KCNC2: variants seen among roughly 807,000 people sequenced by gnomAD.
KCNC2 encodes the protein voltage-gated potassium channel KCNC2.
KCNC2 carries 21 observed loss-of-function variants against 44.5 expected under a neutral mutation model. The ratio of observed to expected loss-of-function variants is 0.47; its 90% CI spans 0.33 to 0.68. The LOEUF is 0.68. Ranked by LOEUF, KCNC2 falls within the 30% of genes least tolerant of loss-of-function variation. The probability of loss-of-function intolerance (pLI) is 0.01; values close to 1 mark genes in which losing one functional copy is unlikely to be tolerated. For missense variants in KCNC2, 589 were observed against 826.2 expected (o/e 0.71, Z 3.52); for synonymous variants, 391 against 339.1 (o/e 1.15, Z -1.68).
chr12:75,190,922 A>C (rs193203955), intron 2 of KCNC2, among the ~76,000 whole-genome samples: 2 of 152,156 alleles, frequency 1.3e-5, no homozygotes, highest in African/African-American at 2.4e-5. Flanking sequence ...CTGAATTATC[A>C]TTTATATATG....
intron 2 of KCNC2, among the ~76,000 whole-genome samples, chr12:75,133,506 G>A (rs1216752917): frequency 3.3e-5 from 5 of 151,066 alleles, no homozygotes; most frequent in African/African-American, 1.2e-4. Flanking sequence ...GTTTTTTATA[G>A]ATGGGTTAAG....
chr12:75,177,619 T>C (rs1403346676), intron 2 of KCNC2, among the ~76,000 whole-genome samples: 2 of 152,168 alleles, frequency 1.3e-5, no homozygotes, highest in East Asian at 1.9e-4. Context: ...ATTTCATCCT[T>C]AGTCAAACAA....
chr12:75,151,239 T>G (rs772744410), intron 2 of KCNC2, among the ~76,000 whole-genome samples: 19 of 151,924 alleles, frequency 1.3e-4, no homozygotes, highest in Admixed American at 2.0e-4. Flanking sequence ...ACAAACATAC[T>G]GTCTAGATTC....
At chr12:75,064,140 C>T (rs1050215240) in intron 2 of KCNC2, among the ~76,000 whole-genome samples, 1 of 151,916 alleles carries the variant, frequency 6.6e-6, no homozygotes, top group African/African-American at 2.4e-5. Context: ...TAGATGAGTA[C>T]TGAAAAGCAA....
intron 2 of KCNC2, among the ~76,000 whole-genome samples, chr12:75,152,890 TA>T (rs1890502698): frequency 6.6e-6 from 1 of 151,926 alleles, no homozygotes; most frequent in African/African-American, 2.4e-5. Flanking sequence ...AAAACAGTTG[TA>T]GTACACACAA....
chr12:75,176,543 A>G (rs1182807298), intron 2 of KCNC2, among the ~76,000 whole-genome samples: 1 of 151,938 alleles, frequency 6.6e-6, no homozygotes, highest in East Asian at 1.9e-4. Context: ...ATGGCCTCAC[A>G]GTTCCTCAAA....
chr12:75,193,589 G>A (rs978241633), intron 2 of KCNC2, among the ~76,000 whole-genome samples: 4 of 152,138 alleles, frequency 2.6e-5, no homozygotes, highest in African/African-American at 9.7e-5. Flanking sequence ...GTATGTTGGT[G>A]TGATAAAGAA....
At chr12:75,178,799 T>C (rs1300470496) in intron 2 of KCNC2, among the ~76,000 whole-genome samples, 2 of 152,096 alleles carry the variant, frequency 1.3e-5, no homozygotes, top group African/African-American at 2.4e-5. Context: ...CTTGCCAGCG[T>C]GGAGCAAGTA....
At chr12:75,156,249 A>ATT (rs11411772) in intron 2 of KCNC2, among the ~76,000 whole-genome samples, 177 of 149,498 alleles carry the variant, frequency 1.2e-3, no homozygotes, top group Middle Eastern at 3.4e-3. Flanking sequence ...CTCTCGAAAC[A>ATT]TTTTTTTTTT....
At position 75,042,218 on chromosome 12, in the gene KCNC2, T is replaced by TA. The variant is rs201871666; in HGVS notation, c.*886dup. On this transcript the variant is annotated 3_prime_UTR_variant, in exon 5 of 5. Transcript: ENST00000549446. ...ACAAACCCTGGGTATTTTTTTTTTT[T>TA]AAAGAGTCTAGAACCAAGCAGCAAT... The TA allele has an allele frequency of 7.5e-7, 1 of 1,335,896 alleles. No homozygotes were observed. The highest frequency in any genetic ancestry group is 1.5e-5 in the African/African-American group (1 of 65,612). The allele number at this position is 1,335,896 out of a possible 1,614,324, so 82.8% of individuals were successfully genotyped here.
chr12:75,155,129 A>C (rs1364378986), intron 2 of KCNC2, among the ~76,000 whole-genome samples: 2 of 151,912 alleles, frequency 1.3e-5, no homozygotes, highest in Non-Finnish European at 2.9e-5. Context: ...CCCAAGAAAA[A>C]AAAACGCCCC....
intron 2 of KCNC2, among the ~76,000 whole-genome samples, chr12:75,150,708 T>A (rs1890329426): frequency 6.6e-6 from 1 of 151,948 alleles, no homozygotes; most frequent in South Asian, 2.1e-4. Context: ...ATTACATGAT[T>A]CTAATCAAGA....
chr12:75,184,058 G>T (rs1892774261), intron 2 of KCNC2, among the ~76,000 whole-genome samples: 1 of 152,054 alleles, frequency 6.6e-6, no homozygotes, highest in African/African-American at 2.4e-5. Flanking sequence ...GTTTCTTCAA[G>T]AATCTCTATA....
intron 2 of KCNC2, among the ~76,000 whole-genome samples, chr12:75,134,661 C>G (rs1007519065): frequency 6.6e-6 from 1 of 151,690 alleles, no homozygotes; most frequent in African/African-American, 2.4e-5. Flanking sequence ...TTCTGCAAGC[C>G]TCTAAGATAA....
intron 2 of KCNC2, among the ~76,000 whole-genome samples, chr12:75,176,771 TA>T (rs2137615021): frequency 1.3e-5 from 2 of 152,086 alleles, no homozygotes; most frequent in South Asian, 4.1e-4. Flanking sequence ...GCATTATTAT[TA>T]AAGGCCATTA....
chr12:75,163,111 A>T (rs1891224943), intron 2 of KCNC2, among the ~76,000 whole-genome samples: 1 of 151,800 alleles, frequency 6.6e-6, no homozygotes, highest in South Asian at 2.1e-4. Flanking sequence ...TCCTAAGGCC[A>T]GTAATACCGC....
intron 2 of KCNC2, among the ~76,000 whole-genome samples, chr12:75,166,799 A>T (rs1050420618): frequency 4.0e-5 from 6 of 151,242 alleles, no homozygotes; most frequent in Admixed American, 4.0e-4. Flanking sequence ...TCTTAGATAA[A>T]TTTACAGCTC....
At chr12:75,059,059 G>T (rs577243097) in intron 2 of KCNC2, among the ~76,000 whole-genome samples, 31 of 151,980 alleles carry the variant, frequency 2.0e-4, no homozygotes, top group Non-Finnish European at 4.4e-4. Context: ...TGTCTGAGGA[G>T]CACTTTTACA....
At chr12:75,100,289 A>G (rs1886271585) in intron 2 of KCNC2, among the ~76,000 whole-genome samples, 1 of 152,074 alleles carries the variant, frequency 6.6e-6, no homozygotes, top group Non-Finnish European at 1.5e-5. Context: ...CCTTATTTAT[A>G]GATTTTCTAA....
Sources: gnomAD v4.1 joint callset for allele counts (sites outside exome capture counted in the v4.1 genomes callset) on GRCh38, gnomAD v4.1.1 for gene constraint, MANE v1.5 for transcripts, NCBI Gene and HGNC (gene_info 2026-07-23, HGNC 2026-07-21) for gene names.